Variants in MYO1A observed in about 807,000 individuals in gnomAD.
The protein encoded by MYO1A is myosin IA.
A neutral mutation model predicts 138.5 loss-of-function variants in MYO1A; 127 were observed. The observed-to-expected ratio is 0.92, with a 90% CI of 0.79 to 1.06. The LOEUF is 1.06. MYO1A is among the 50% of genes least tolerant of loss of function. MYO1A has a pLI of 0.00. For missense variants in MYO1A, 1,211 were observed against 1,288.8 expected (o/e 0.94, Z 0.92); for synonymous variants, 477 against 497.5 (o/e 0.96, Z 0.55).
In MYO1A at chr12:57,044,004, C is replaced by T; in HGVS notation, c.745-1G>A. The T allele has an allele frequency of 6.2e-7, 1 of 1,614,166 alleles. No homozygotes were observed. Among genetic ancestry groups the T allele is most frequent in the East Asian group, 2.2e-5 (1 of 44,882 alleles). On this transcript the variant is annotated splice_acceptor_variant, in intron 9 of 27. Transcript: ENST00000300119. LOFTEE classifies it high-confidence loss of function. ...AGAACCCAATCACTGCCATTGCACTCTTAGGCAGAAAGCAGAAATCAAAAG... is the reference window on the plus strand; with the variant it reads ...AGAACCCAATCACTGCCATTGCACTTTTAGGCAGAAAGCAGAAATCAAAAG...
At chr12:57,047,960 G>A (rs769408265) in intron 3 of MYO1A, 29 bp downstream of exon 3, 2 of 1,599,758 alleles carry the variant, frequency 1.3e-6, no homozygotes, top group African/African-American at 1.3e-5. Context: ...CTGGGGCCCT[G>A]TCAGCCTTCC....
intron 22 of MYO1A, among the ~76,000 whole-genome samples, chr12:57,033,811 TAGAA>T (rs2030403495): frequency 6.6e-6 from 1 of 152,206 alleles, no homozygotes; most frequent in East Asian, 1.9e-4. Flanking sequence ...AAAATTTAAA[TAGAA>T]AGAGGCAGAA....
In MYO1A at chr12:57,039,271, TGCCCTGGTCAGGG is replaced by T. The variant is rs1228791433; in HGVS notation, c.1270-10_1272del. On this transcript the variant is annotated splice_acceptor_variant and splice_polypyrimidine_tract_variant and coding_sequence_variant and intron_variant, in exon 15 of 28. Coordinates refer to ENST00000300119, the MANE Select transcript of MYO1A (RefSeq NM_005379.4). LOFTEE classifies it high-confidence loss of function. The stretch of plus-strand genomic sequence containing the variant: ...AAGTAGTCCACCTTTGTCCACGGTA[TGCCCTGGTCAGGG>T]GAGACAACAAATTACAGGGAACACG... 1.2e-6 allele frequency: 2 copies of T among 1,613,742 alleles called. No homozygotes were observed. The highest frequency in any genetic ancestry group is 2.2e-5 in the South Asian group (2 of 91,070).
chr12:57,046,883 AGGG>A lies in MYO1A; in HGVS notation c.518_520del (p.Pro173del). ...CGTACAGTTTGTGATGACACCACCGAGGGGGGATCCCTTGAAGTCAAATTCAAT... is the reference window on the plus strand; with the variant it reads ...CGTACAGTTTGTGATGACACCACCGAGGGATCCCTTGAAGTCAAATTCAAT... On this transcript the variant is annotated inframe_deletion, in exon 7 of 28. Coordinates refer to ENST00000300119, the MANE Select transcript of MYO1A (RefSeq NM_005379.4). 1.2e-6 allele frequency: 2 copies of A among 1,614,082 alleles called. No individual in the cohort carries two copies. Among genetic ancestry groups the A allele is most frequent in the Non-Finnish European group, 1.7e-6 (2 of 1,180,002 alleles).
chr12:57,048,254 G>A lies in MYO1A; in HGVS notation c.70C>T (p.Leu24=), dbSNP rs1341178886. 6.2e-7 allele frequency: 1 copy of A among 1,614,184 alleles called. No individual in the cohort carries two copies. Among genetic ancestry groups the A allele is most frequent in the East Asian group, 2.2e-5 (1 of 44,880 alleles). ...VLLEPLVEES[L]LKNLQLRYEN... ...TAGCGAAGCTGAAGATTCTTGAGCA[G>A]TGACTCCTCCACCAAGGGTTCCAGG... The change falls in exon 2 of 28, where the codon CTG becomes TTG. Residue 24 remains leucine, a synonymous_variant. Coordinates refer to ENST00000300119, the MANE Select transcript of MYO1A (RefSeq NM_005379.4).
rs2030099139 is a variant in MYO1A at position 57,028,744 on chromosome 12, G to T, written c.*11C>A. 6.2e-7 allele frequency: 1 copy of T among 1,613,840 alleles called. No homozygotes were observed. The highest frequency in any genetic ancestry group is 8.5e-7 in the Non-Finnish European group (1 of 1,179,862). On this transcript the variant is annotated 3_prime_UTR_variant, in exon 28 of 28. Coordinates refer to ENST00000300119, the MANE Select transcript of MYO1A (RefSeq NM_005379.4). Reference sequence around the variant, plus strand: ...AGGAAGCAACTGCCATCTCTGCATGGTGCCCCCTCCTCACTGCACAGTCAC... The same window carrying T: ...AGGAAGCAACTGCCATCTCTGCATGTTGCCCCCTCCTCACTGCACAGTCAC...
chr12:57,038,381 T>C (rs772166513), intron 17 of MYO1A, 31 bp downstream of exon 17: 45 of 1,607,432 alleles, frequency 2.8e-5, no homozygotes, highest in Middle Eastern at 1.7e-4. Context: ...ATCACATATG[T>C]AGCATGTTCC....
intron 1 of MYO1A, among the ~76,000 whole-genome samples, chr12:57,048,845 C>G (rs979163683): frequency 6.6e-6 from 1 of 152,196 alleles, no homozygotes; most frequent in Admixed American, 6.5e-5. Context: ...CCCAACCTAC[C>G]CATAACCATT....
chr12:57,035,361 G>T (rs1362809154), intron 22 of MYO1A, among the ~76,000 whole-genome samples: 2 of 152,194 alleles, frequency 1.3e-5, no homozygotes, highest in African/African-American at 4.8e-5. Flanking sequence ...AGGGGAAGAG[G>T]ACGAGCAAAT....
chr12:57,050,563 C>T, upstream of MYO1A, among the ~76,000 whole-genome samples: 1 of 152,264 alleles, frequency 6.6e-6, no homozygotes, highest in African/African-American at 2.4e-5. Flanking sequence ...CTCCCTCATA[C>T]CTACTCTTCC....
intron 14 of MYO1A, 95 bp from the exon 15 acceptor site, chr12:57,039,369 C>T (rs996334555): frequency 2.2e-6 from 2 of 914,656 alleles, no homozygotes; most frequent in African/African-American, 1.6e-5. Flanking sequence ...CAACAAAGGA[C>T]ATCAGAAAGC....
Position 57,037,607 on chromosome 12 carries a change from T to C in MYO1A, c.1996A>G (p.Met666Val), listed in dbSNP as rs2030622734. The C allele has an allele frequency of 4.3e-6, 7 of 1,614,166 alleles. 1 individual carries two copies. Among genetic ancestry groups the C allele is most frequent in the South Asian group, 2.2e-5 (2 of 91,084 alleles). Residue 666 changes from methionine to valine, a missense_variant, in exon 19 of 28, where the codon ATG (methionine) becomes GTG (valine). Transcript: ENST00000300119. ...GVEKVLGELS[M>V]SSGELAFGKT... ...CCAAAGGCCAGCTCCCCCGAGGACA[T>C]GCTCAGCTCCCCCAGGACCTTCTCA... is the stretch of plus-strand genomic sequence containing the variant.
chr12:57,037,422 G>A (rs1359801816), intron 19 of MYO1A, 126 bp downstream of exon 19: 16 of 929,418 alleles, frequency 1.7e-5, no homozygotes, highest in Non-Finnish European at 2.5e-5. Context: ...CTGCAGACAG[G>A]AAGCTTCCCA....
At chr12:57,035,428 T>C (rs564388793) in intron 22 of MYO1A, among the ~76,000 whole-genome samples, 1 of 152,276 alleles carries the variant, frequency 6.6e-6, no homozygotes, top group South Asian at 2.1e-4. Flanking sequence ...ATTCCTCTCT[T>C]GAGCTGAGGG....
At chr12:57,029,341 G>C (rs1009607870) in intron 26 of MYO1A, 82 bp from the exon 27 acceptor site, 9 of 1,612,128 alleles carry the variant, frequency 5.6e-6, no homozygotes, top group Non-Finnish European at 7.6e-6. Context: ...GGCCCAGAGC[G>C]AAAGGTCTGG....
At position 57,048,328 on chromosome 12, in the gene MYO1A, A is replaced by G; in HGVS notation, c.-5T>C. 6.2e-7 allele frequency: 1 copy of G among 1,605,418 alleles called. No individual in the cohort carries two copies. The highest frequency in any genetic ancestry group is 8.5e-7 in the Non-Finnish European group (1 of 1,172,098). On this transcript the variant is annotated 5_prime_UTR_variant, in exon 2 of 28. Coordinates refer to ENST00000300119, the MANE Select transcript of MYO1A (RefSeq NM_005379.4). Reference sequence around the variant, plus strand: ...AGAACCTTCCAGGAGAGGCATGTCCAGAGGGGCCACTGATCCTGGGAATAA... The same window carrying G: ...AGAACCTTCCAGGAGAGGCATGTCCGGAGGGGCCACTGATCCTGGGAATAA...
chr12:57,031,708 C>G (rs974974520), intron 22 of MYO1A, among the ~76,000 whole-genome samples: 4 of 152,340 alleles, frequency 2.6e-5, no homozygotes, highest in Middle Eastern at 3.4e-3. Context: ...GCCCCCATTC[C>G]TCTCTTAAGC....
intron 25 of MYO1A, 54 bp downstream of exon 25, chr12:57,029,686 C>A: frequency 6.2e-7 from 1 of 1,613,992 alleles, no homozygotes; most frequent in South Asian, 1.1e-5. Flanking sequence ...TCTCCAGATG[C>A]CAGCCCACAG....
At chr12:57,032,004 C>T (rs2030312431) in intron 22 of MYO1A, among the ~76,000 whole-genome samples, 1 of 152,218 alleles carries the variant, frequency 6.6e-6, no homozygotes, top group African/African-American at 2.4e-5. Flanking sequence ...ACCACCCGGA[C>T]AGGACTCTTT....
Sources: gnomAD v4.1 joint callset for allele counts (sites outside exome capture counted in the v4.1 genomes callset) on GRCh38, gnomAD v4.1.1 for gene constraint, MANE v1.5 for transcripts, NCBI Gene and HGNC (gene_info 2026-07-23, HGNC 2026-07-21) for gene names.